Variants in TRABD2B observed in about 807,000 individuals in gnomAD.
TRABD2B encodes metalloprotease TIKI2.
Under a neutral mutation model 40.1 loss-of-function variants are expected in TRABD2B, and 14 were observed. The observed-to-expected ratio is 0.35, with a 90% CI of 0.23 to 0.55. The LOEUF (loss-of-function observed/expected upper bound fraction) is 0.55. Among genes scored for constraint, TRABD2B ranks in the 20% least tolerant of loss-of-function variants. The pLI is 0.90. For synonymous variants in TRABD2B, 263 were observed against 277.0 expected (o/e 0.95, Z 0.50); for missense variants, 541 against 648.6 (o/e 0.83, Z 1.80).
intron 2 of TRABD2B, among the ~76,000 whole-genome samples, chr1:47,903,315 G>T (rs1380285152): frequency 2.6e-5 from 4 of 152,112 alleles, no homozygotes; most frequent in African/African-American, 7.2e-5. Context: ...CTGCCTAGGG[G>T]CTTCCAACCA....
At chr1:47,898,052 GTGGCACAGAATAC>G (rs1229287737) in intron 2 of TRABD2B, among the ~76,000 whole-genome samples, 2 of 152,186 alleles carry the variant, frequency 1.3e-5, no homozygotes, top group Non-Finnish European at 2.9e-5. Context: ...AGGTTGTTGG[GTGGCACAGAATAC>G]TGGCTCAGAA....
At chr1:47,889,849 G>A (rs931341981) in intron 2 of TRABD2B, among the ~76,000 whole-genome samples, 33 of 152,318 alleles carry the variant, frequency 2.2e-4, no homozygotes, top group African/African-American at 6.0e-4. Flanking sequence ...TGTTATAAAC[G>A]AGGAAGACAA....
At chr1:47,887,346 C>G (rs1173768278) in intron 2 of TRABD2B, among the ~76,000 whole-genome samples, 1 of 152,048 alleles carries the variant, frequency 6.6e-6, no homozygotes, top group Admixed American at 6.5e-5. Context: ...GGACCCTGAT[C>G]TTAACTTCGA....
At chr1:47,839,225 G>A (rs1457033871) in intron 2 of TRABD2B, among the ~76,000 whole-genome samples, 1 of 152,080 alleles carries the variant, frequency 6.6e-6, no homozygotes, top group Non-Finnish European at 1.5e-5. Context: ...TCAGAGAAGA[G>A]ACTACTGCAT....
chr1:47,926,434 C>CA (rs531141564), intron 2 of TRABD2B, among the ~76,000 whole-genome samples: 173 of 152,310 alleles, frequency 1.1e-3, no homozygotes, highest in Non-Finnish European at 2.1e-3. Context: ...GAAAGCATCC[C>CA]AGAGGCTCTT....
chr1:47,932,385 A>G (rs771227691), intron 2 of TRABD2B, among the ~76,000 whole-genome samples: 1 of 152,206 alleles, frequency 6.6e-6, no homozygotes, highest in Non-Finnish European at 1.5e-5. Flanking sequence ...TGAAATAGTG[A>G]TAAGGATTGG....
intron 6 of TRABD2B, among the ~76,000 whole-genome samples, chr1:47,773,211 G>A (rs1644399357): frequency 6.6e-6 from 1 of 152,206 alleles, no homozygotes; most frequent in Non-Finnish European, 1.5e-5. Context: ...CTTTTAATGG[G>A]TTGCCAGCTC....
intron 2 of TRABD2B, among the ~76,000 whole-genome samples, chr1:47,958,014 G>A (rs913193852): frequency 6.6e-6 from 1 of 152,182 alleles, no homozygotes; most frequent in African/African-American, 2.4e-5. Context: ...TGATCTCTTG[G>A]CAGAAACTCT....
intron 2 of TRABD2B, among the ~76,000 whole-genome samples, chr1:47,966,774 G>A (rs138790334): frequency 0.01 from 1,594 of 151,882 alleles, 25 homozygotes; most frequent in South Asian, 0.075. Context: ...GTGTGGTGGC[G>A]CACACTTGTA....
intron 2 of TRABD2B, among the ~76,000 whole-genome samples, chr1:47,872,817 T>C (rs566012451): frequency 6.6e-6 from 1 of 152,144 alleles, no homozygotes; most frequent in Non-Finnish European, 1.5e-5. Flanking sequence ...GAGTTTGACC[T>C]GGGCATGGCT....
chr1:47,841,786 CTTTTTTTTTT>C (rs780669674), intron 2 of TRABD2B, among the ~76,000 whole-genome samples: 1 of 136,468 alleles, frequency 7.3e-6, no homozygotes, highest in African/African-American at 2.7e-5. Flanking sequence ...TTTTCTTTTT[CTTTTTTTTTT>C]TTTTTTGAGA....
intron 2 of TRABD2B, among the ~76,000 whole-genome samples, chr1:47,806,421 C>G (rs1313373346): frequency 6.6e-6 from 1 of 152,208 alleles, no homozygotes; most frequent in Non-Finnish European, 1.5e-5. Context: ...CTCGAGATGT[C>G]TTCTGCTCCT....
chr1:47,909,793 C>CACCTCCCT (rs1557651403), intron 2 of TRABD2B, among the ~76,000 whole-genome samples: 1 of 1,008 alleles, frequency 9.9e-4, no homozygotes, highest in East Asian at 0.042. Flanking sequence ...TCCCCATCCC[C>CACCTCCCT]CCCCCCCTTC....
chr1:47,840,780 G>A (rs564670514), intron 2 of TRABD2B, among the ~76,000 whole-genome samples: 1 of 152,200 alleles, frequency 6.6e-6, no homozygotes, highest in Non-Finnish European at 1.5e-5. Flanking sequence ...AACTTGGGGC[G>A]TGATGACATT....
At chr1:47,842,104 A>G (rs1012119946) in intron 2 of TRABD2B, among the ~76,000 whole-genome samples, 2 of 152,180 alleles carry the variant, frequency 1.3e-5, no homozygotes, top group Non-Finnish European at 2.9e-5. Flanking sequence ...TTGTTTGATA[A>G]CAAAGCTGGC....
At chr1:47,911,780 T>A (rs1309317109) in intron 2 of TRABD2B, among the ~76,000 whole-genome samples, 1 of 152,238 alleles carries the variant, frequency 6.6e-6, no homozygotes, top group Admixed American at 6.5e-5. Flanking sequence ...CAAGGTCCAG[T>A]GCAAAAGGAA....
intron 2 of TRABD2B, among the ~76,000 whole-genome samples, chr1:47,855,523 C>G (rs1317844973): frequency 6.6e-6 from 1 of 152,246 alleles, no homozygotes; most frequent in Non-Finnish European, 1.5e-5. Flanking sequence ...CGGATATTAT[C>G]TAAGTAAGAT....
intron 2 of TRABD2B, among the ~76,000 whole-genome samples, chr1:47,937,358 C>T (rs1214262308): frequency 1.3e-5 from 2 of 151,534 alleles, no homozygotes; most frequent in African/African-American, 4.8e-5. Flanking sequence ...TCACCACCAC[C>T]GTCATGATCA....
At chr1:47,929,592 C>T (rs990308162) in intron 2 of TRABD2B, among the ~76,000 whole-genome samples, 3 of 152,234 alleles carry the variant, frequency 2.0e-5, no homozygotes, top group African/African-American at 7.2e-5. Context: ...AGTGTCCTAG[C>T]ACCTACCAAT....
Sources: allele counts gnomAD v4.1 joint callset (sites outside exome capture counted in the v4.1 genomes callset), GRCh38; gene constraint gnomAD v4.1.1; transcripts MANE v1.5; gene names NCBI Gene and HGNC (gene_info 2026-07-23, HGNC 2026-07-21).